The following SPAG16 variants were observed in gnomAD, a reference collection of about 807,000 sequenced individuals.
SPAG16 encodes sperm associated antigen 16.
Under a neutral mutation model 80.4 loss-of-function variants are expected in SPAG16, and 86 were observed. The ratio of observed to expected loss-of-function variants is 1.07; its 90% CI spans 0.90 to 1.28. SPAG16 has a LOEUF of 1.28. Ranked by LOEUF, SPAG16 falls within the 50% of genes most tolerant of loss-of-function variation. The pLI, the probability that SPAG16 is intolerant of heterozygous loss-of-function variation, is 0.00. For synonymous variants in SPAG16, 294 were observed against 265.9 expected, an observed-to-expected ratio of 1.11 and a Z score of -1.03; for missense variants, 870 against 765.3, an observed-to-expected ratio of 1.14 and a Z score of -1.61.
At chr2:214,104,659 T>C (rs1159106256) in intron 13 of SPAG16, among the ~76,000 whole-genome samples, 1 of 152,168 alleles carries the variant, frequency 6.6e-6, no homozygotes, top group Non-Finnish European at 1.5e-5. Flanking sequence ...GCCATTTATA[T>C]GTATAAAGAT....
intron 10 of SPAG16, among the ~76,000 whole-genome samples, chr2:213,643,517 A>T (rs2062702729): frequency 6.7e-6 from 1 of 148,226 alleles, no homozygotes; most frequent in East Asian, 2.0e-4. Flanking sequence ...TTGGTGTTCT[A>T]CAACCTTCTT....
chr2:214,370,327 C>A (rs2126086642), intron 15 of SPAG16, among the ~76,000 whole-genome samples: 2 of 152,238 alleles, frequency 1.3e-5, no homozygotes, highest in South Asian at 2.1e-4. Context: ...TGTGTCCACT[C>A]CCATCCATGT....
At chr2:213,422,495 T>C (rs1170826059) in intron 9 of SPAG16, 1 of 560,268 alleles carries the variant, frequency 1.8e-6, no homozygotes, top group Non-Finnish European at 3.2e-6. Flanking sequence ...GAATCTGGGC[T>C]GTAGCAAGAG....
intron 10 of SPAG16, among the ~76,000 whole-genome samples, chr2:213,561,079 G>C (rs189782440): frequency 1.2e-4 from 19 of 152,286 alleles, no homozygotes; most frequent in Admixed American, 9.8e-4. Flanking sequence ...GGCAAGGCTG[G>C]TCTCGAACTC....
At chr2:213,733,690 G>T (rs936766824) in intron 10 of SPAG16, among the ~76,000 whole-genome samples, 3 of 151,944 alleles carry the variant, frequency 2.0e-5, no homozygotes, top group Non-Finnish European at 2.9e-5. Context: ...ACCATTTTGT[G>T]GTGTCCTCAT....
At chr2:213,775,601 A>C (rs189252886) in intron 10 of SPAG16, among the ~76,000 whole-genome samples, 5 of 152,316 alleles carry the variant, frequency 3.3e-5, no homozygotes, top group African/African-American at 1.2e-4. Context: ...TAACTGAAAC[A>C]CTGTACACTT....
chr2:213,716,350 G>A (rs2066239175), intron 10 of SPAG16, among the ~76,000 whole-genome samples: 1 of 152,176 alleles, frequency 6.6e-6, no homozygotes, highest in African/African-American at 2.4e-5. Context: ...GAGAGTATCA[G>A]TGAATAATAC....
intron 10 of SPAG16, among the ~76,000 whole-genome samples, chr2:213,548,559 C>A (rs10192180): frequency 0.42 from 64,420 of 151,976 alleles, 14,524 homozygotes; most frequent in African/African-American, 0.56. Context: ...ATGATAGGTG[C>A]GTAATCAAAT....
At chr2:213,993,058 T>C (rs1316840631) in intron 12 of SPAG16, among the ~76,000 whole-genome samples, 1 of 152,156 alleles carries the variant, frequency 6.6e-6, no homozygotes, top group East Asian at 1.9e-4. Flanking sequence ...GTGGATCATG[T>C]TGACTTGAAG....
chr2:213,553,671 A>G (rs1029290852), intron 10 of SPAG16, among the ~76,000 whole-genome samples: 1 of 152,166 alleles, frequency 6.6e-6, no homozygotes, highest in African/African-American at 2.4e-5. Context: ...ACCATACCCC[A>G]GACCTGGGCT....
intron 10 of SPAG16, among the ~76,000 whole-genome samples, chr2:213,592,790 G>A (rs1044606140): frequency 2.0e-5 from 3 of 152,200 alleles, no homozygotes; most frequent in African/African-American, 7.2e-5. Flanking sequence ...TGATGCAAAT[G>A]ACCCTAAATG....
At chr2:214,266,243 TG>T (rs1200037878) in intron 15 of SPAG16, among the ~76,000 whole-genome samples, 1 of 151,914 alleles carries the variant, frequency 6.6e-6, no homozygotes, top group Non-Finnish European at 1.5e-5. Flanking sequence ...ATTACTATTT[TG>T]TTTGTTTTGC....
chr2:213,599,631 CTTG>C (rs2060994910), intron 10 of SPAG16, among the ~76,000 whole-genome samples: 2 of 152,152 alleles, frequency 1.3e-5, no homozygotes, highest in South Asian at 2.1e-4. Flanking sequence ...TGTTAACCGA[CTTG>C]TTGATGTTAT....
At chr2:213,363,249 T>G (rs1213879860) in intron 7 of SPAG16, among the ~76,000 whole-genome samples, 1 of 152,162 alleles carries the variant, frequency 6.6e-6, no homozygotes, top group Non-Finnish European at 1.5e-5. Context: ...CTGTTAATCT[T>G]ATGCTATTCT....
At chr2:213,387,655 C>T (rs2067516340) in intron 9 of SPAG16, among the ~76,000 whole-genome samples, 1 of 149,946 alleles carries the variant, frequency 6.7e-6, no homozygotes, top group African/African-American at 2.5e-5. Flanking sequence ...GGGGTTTCAC[C>T]ATTTTGGCCG....
chr2:213,598,612 C>CTTATGTT (rs1452837884), intron 10 of SPAG16, among the ~76,000 whole-genome samples: 3 of 152,106 alleles, frequency 2.0e-5, no homozygotes, highest in African/African-American at 7.2e-5. Flanking sequence ...TGAATTGTTT[C>CTTATGTT]TTATGTTTTC....
chr2:213,359,095 C>T (rs1315996197), intron 7 of SPAG16, among the ~76,000 whole-genome samples: 1 of 152,186 alleles, frequency 6.6e-6, no homozygotes, highest in Non-Finnish European at 1.5e-5. Flanking sequence ...GGCTGTAGAA[C>T]AGCAAATATT....
At chr2:213,681,638 A>G (rs1355314709) in intron 10 of SPAG16, among the ~76,000 whole-genome samples, 1 of 152,190 alleles carries the variant, frequency 6.6e-6, no homozygotes, top group Non-Finnish European at 1.5e-5. Flanking sequence ...GACACATAAC[A>G]AAACATGGCT....
chr2:213,623,973 T>G (rs1210661762), intron 10 of SPAG16, among the ~76,000 whole-genome samples: 1 of 152,146 alleles, frequency 6.6e-6, no homozygotes, highest in African/African-American at 2.4e-5. Context: ...TTAATTAAGT[T>G]AAACACAATT....
Sources: gnomAD v4.1 joint callset for allele counts (sites outside exome capture counted in the v4.1 genomes callset) on GRCh38, gnomAD v4.1.1 for gene constraint, MANE v1.5 for transcripts, NCBI Gene and HGNC (gene_info 2026-07-23, HGNC 2026-07-21) for gene names.